UBAP2: variants seen among roughly 807,000 people sequenced by gnomAD.
UBAP2 encodes the protein ubiquitin-associated protein 2.
Under a neutral mutation model 139.6 loss-of-function variants are expected in UBAP2, and 75 were observed. The ratio of observed to expected loss-of-function variants is 0.54; its 90% CI spans 0.45 to 0.65. UBAP2 has a LOEUF of 0.65. UBAP2 is among the 30% of genes least tolerant of loss of function. The pLI is 0.00. For missense variants in UBAP2, 1,368 were observed against 1,369.6 expected (o/e 1.00, Z 0.02); for synonymous variants, 526 against 526.2 (o/e 1.00, Z 0.01).
chr9:34,048,188 A>G (rs1416160109), intron 1 of UBAP2, among the ~76,000 whole-genome samples: 1 of 152,246 alleles, frequency 6.6e-6, no homozygotes, highest in Non-Finnish European at 1.5e-5. Flanking sequence ...TTATTAACAG[A>G]GAGAGCTTTG....
intron 6 of UBAP2, among the ~76,000 whole-genome samples, chr9:33,974,118 A>G (rs768074729): frequency 2.0e-5 from 3 of 152,194 alleles, no homozygotes; most frequent in Non-Finnish European, 4.4e-5. Context: ...TGAGCCCAGG[A>G]GTTGGAGGTT....
chr9:34,035,514 A>AAAAAAAAATATATATATATATATATAT, intron 1 of UBAP2, among the ~76,000 whole-genome samples: 2 of 22,490 alleles, frequency 8.9e-5, no homozygotes, highest in South Asian at 9.7e-4. Context: ...AAAAAAAAAA[A>AAAAAAAAATATATATATATATATATAT]ATATATATAT....
At chr9:34,005,730 G>A (rs1473531250) in intron 2 of UBAP2, among the ~76,000 whole-genome samples, 2 of 152,020 alleles carry the variant, frequency 1.3e-5, no homozygotes, top group South Asian at 2.1e-4. Flanking sequence ...CTGAAGATAG[G>A]CAAAAGACAA....
chr9:34,047,826 T>G (rs1827739967), intron 1 of UBAP2, among the ~76,000 whole-genome samples: 1 of 152,302 alleles, frequency 6.6e-6, no homozygotes, highest in African/African-American at 2.4e-5. Flanking sequence ...AAATTAATAG[T>G]AATTTTTTAA....
At chr9:33,968,630 A>C in intron 8 of UBAP2, 1 of 277,304 alleles carries the variant, frequency 3.6e-6, no homozygotes, top group Non-Finnish European at 7.1e-6. Context: ...AAATAATCAT[A>C]CGGATTTTTC....
intron 22 of UBAP2, among the ~76,000 whole-genome samples, chr9:33,926,119 C>T (rs1394187221): frequency 6.6e-6 from 1 of 152,126 alleles, no homozygotes; most frequent in Non-Finnish European, 1.5e-5. Context: ...AGATGGGAGG[C>T]CAGACCCAGA....
intron 8 of UBAP2, among the ~76,000 whole-genome samples, chr9:33,964,959 TG>T (rs1393029824): frequency 6.6e-6 from 1 of 152,222 alleles, no homozygotes; most frequent in Non-Finnish European, 1.5e-5. Flanking sequence ...AATAGGTGAA[TG>T]GGGGTAACTC....
intron 2 of UBAP2, among the ~76,000 whole-genome samples, chr9:33,999,393 A>G (rs916560079): frequency 3.3e-5 from 5 of 152,114 alleles, no homozygotes; most frequent in African/African-American, 1.2e-4. Context: ...ATAATAAAAG[A>G]AAAAATAAAA....
At chr9:33,946,514 T>C (rs1587541682) in intron 13 of UBAP2, among the ~76,000 whole-genome samples, 1 of 152,198 alleles carries the variant, frequency 6.6e-6, no homozygotes, top group Non-Finnish European at 1.5e-5. Context: ...AGTTCTACCA[T>C]ATGGGACAGA....
At chr9:33,957,604 T>G (rs1213464978) in intron 10 of UBAP2, among the ~76,000 whole-genome samples, 4 of 152,220 alleles carry the variant, frequency 2.6e-5, no homozygotes, top group Non-Finnish European at 5.9e-5. Flanking sequence ...CAGGATAAAT[T>G]TTTTGAAACC....
At chr9:34,026,201 TTG>T (rs1399513160) in intron 1 of UBAP2, among the ~76,000 whole-genome samples, 1 of 152,188 alleles carries the variant, frequency 6.6e-6, no homozygotes, top group Admixed American at 6.6e-5. Flanking sequence ...TAATAAAAGT[TTG>T]AACAGTTAAT....
intron 1 of UBAP2, among the ~76,000 whole-genome samples, chr9:34,034,876 AAAC>A (rs1826194071): frequency 2.8e-5 from 1 of 36,130 alleles, no homozygotes; most frequent in Non-Finnish European, 5.9e-5. Context: ...ATCTCAAAAC[AAAC>A]AAACAAACAA....
Position 33,978,267 on chromosome 9 carries a change from C to T in UBAP2, c.521-5030G>A, listed in dbSNP as rs563464301. On this transcript the variant is annotated intron_variant, in intron 6 of 28. Coordinates refer to ENST00000379238, the MANE Select transcript of UBAP2 (RefSeq NM_001370062.2). ...TTTAAACGTAAGCTGGGTCTGGTGGCTCATGTCTGTAATCCCAGCACCTTG... is the reference window on the plus strand; with the variant it reads ...TTTAAACGTAAGCTGGGTCTGGTGGTTCATGTCTGTAATCCCAGCACCTTG... Among the ~76,000 whole-genome samples, 11 of 152,076 alleles carry T rather than the reference C, an allele frequency of 7.2e-5. No homozygotes were observed. In the South Asian group the frequency reaches 2.1e-3, roughly 29 times the overall value.
intron 6 of UBAP2, among the ~76,000 whole-genome samples, chr9:33,982,186 A>G (rs1820824197): frequency 1.3e-5 from 2 of 152,188 alleles, no homozygotes; most frequent in African/African-American, 2.4e-5. Flanking sequence ...CTTTCACCCA[A>G]GCTGTCAAAG....
At chr9:34,028,486 T>A (rs1825610488) in intron 1 of UBAP2, among the ~76,000 whole-genome samples, 1 of 151,940 alleles carries the variant, frequency 6.6e-6, no homozygotes, top group South Asian at 2.1e-4. Flanking sequence ...TTCAAGCGAT[T>A]AGCCTGCCTC....
At chr9:34,048,970 C>T (rs1827881820), upstream of UBAP2, 1 of 152,284 alleles carries the variant, frequency 6.6e-6, no homozygotes, top group Non-Finnish European at 1.5e-5. Context: ...GGAGCCACAA[C>T]ACGTCGCTCG....
At chr9:33,945,449 G>C (rs1444437898) in intron 13 of UBAP2, among the ~76,000 whole-genome samples, 1 of 151,810 alleles carries the variant, frequency 6.6e-6, no homozygotes, top group Non-Finnish European at 1.5e-5. Context: ...GCAGTGAGCT[G>C]AGATGGCGCC....
chr9:34,040,003 C>G (rs1023863676), intron 1 of UBAP2, among the ~76,000 whole-genome samples: 1 of 151,786 alleles, frequency 6.6e-6, no homozygotes, highest in Non-Finnish European at 1.5e-5. Context: ...ACTAAAAGTA[C>G]AAAATTAGCC....
intron 16 of UBAP2, among the ~76,000 whole-genome samples, chr9:33,940,977 T>C (rs569665428): frequency 3.9e-4 from 59 of 152,350 alleles, no homozygotes; most frequent in African/African-American, 1.3e-3. Context: ...AAGGTATGCC[T>C]GTAGTGTCAT....
Sources: allele counts gnomAD v4.1 joint callset (sites outside exome capture counted in the v4.1 genomes callset), GRCh38; gene constraint gnomAD v4.1.1; transcripts MANE v1.5; gene names NCBI Gene and HGNC (gene_info 2026-07-23, HGNC 2026-07-21).